The following NREP variants were observed in gnomAD, a reference collection of about 807,000 sequenced individuals.
The protein encoded by NREP is neuronal regeneration related protein.
In NREP, 5 loss-of-function variants were observed where a neutral mutation model predicts 8.6. That is an observed-to-expected ratio of 0.58 (90% CI 0.30 to 1.22). The LOEUF (loss-of-function observed/expected upper bound fraction) is 1.22, where lower values mean the gene tolerates loss of function less well. NREP is among the 50% of genes most tolerant of loss of function. NREP has a pLI of 0.07. For missense variants in NREP, 86 were observed against 82.5 expected (o/e 1.04, Z -0.17); for synonymous variants, 27 against 28.0 (o/e 0.96, Z 0.11).
At chr5:111,762,013 G>A (rs1427666697), upstream of NREP, among the ~76,000 whole-genome samples, 1 of 152,144 alleles carries the variant, frequency 6.6e-6, no homozygotes, top group Non-Finnish European at 1.5e-5. Context: ...AGAAGGGGCA[G>A]AAATGAGGAA....
intron 2 of NREP, among the ~76,000 whole-genome samples, chr5:111,881,905 C>G (rs1422173951): frequency 6.6e-6 from 1 of 152,134 alleles, no homozygotes; most frequent in Admixed American, 6.5e-5. Flanking sequence ...AAACTGGAAA[C>G]TCTAAAAAGC....
At chr5:111,848,322 A>G (rs1391069283) in intron 2 of NREP, among the ~76,000 whole-genome samples, 7 of 152,180 alleles carry the variant, frequency 4.6e-5, no homozygotes, top group Non-Finnish European at 7.4e-5. Flanking sequence ...GTTTTATTTA[A>G]AAAGAAAAAC....
intron 3 of NREP, chr5:111,732,346 T>C (rs772468099): frequency 1.2e-4 from 18 of 152,046 alleles, no homozygotes; most frequent in Non-Finnish European, 2.4e-4. Flanking sequence ...ACTGTACAGA[T>C]TTTCCATATT....
chr5:111,781,795 G>C lies in NREP; in HGVS notation c.136-46288C>G, dbSNP rs946143692. 2.0e-5 allele frequency among the ~76,000 whole-genome samples: 3 copies of C among 152,204 alleles called. No homozygotes were observed. In the South Asian group the frequency reaches 6.2e-4, roughly 32 times the overall value. ...TTCTTTGTACTTCAAGGGTTCTTTAGCCTGAAAGACAAAGGCTATCGGGGC... is the reference window on the plus strand; with the variant it reads ...TTCTTTGTACTTCAAGGGTTCTTTACCCTGAAAGACAAAGGCTATCGGGGC... On this transcript the variant is annotated intron_variant, in intron 2 of 3. Transcript: ENST00000395634.
chr5:111,894,604 G>A (rs893627344), intron 2 of NREP, among the ~76,000 whole-genome samples: 4 of 152,144 alleles, frequency 2.6e-5, no homozygotes, highest in African/African-American at 7.2e-5. Context: ...GTGTTGAAAC[G>A]TGATTCTCCA....
At chr5:111,884,579 A>G (rs1754185969) in intron 2 of NREP, among the ~76,000 whole-genome samples, 3 of 145,348 alleles carry the variant, frequency 2.1e-5, no homozygotes, top group Admixed American at 1.4e-4. Context: ...TCCTCAATAA[A>G]ATACTGGCAA....
intron 2 of NREP, among the ~76,000 whole-genome samples, chr5:111,877,691 T>C (rs1753943804): frequency 6.6e-6 from 1 of 152,200 alleles, no homozygotes; most frequent in African/African-American, 2.4e-5. Context: ...GAATCTCCCA[T>C]TCCTAAGCTT....
At chr5:111,957,333 A>G (rs1756352690) in intron 2 of NREP, among the ~76,000 whole-genome samples, 1 of 152,042 alleles carries the variant, frequency 6.6e-6, no homozygotes, top group Non-Finnish European at 1.5e-5. Flanking sequence ...GTTAAATTTC[A>G]TATACCTACC....
At chr5:111,746,583 C>T (rs1464948686) in intron 2 of NREP, among the ~76,000 whole-genome samples, 4 of 152,000 alleles carry the variant, frequency 2.6e-5, no homozygotes, top group Admixed American at 2.6e-4. Flanking sequence ...TCTCAATTAC[C>T]CAGTCAATAA....
intron 2 of NREP, among the ~76,000 whole-genome samples, chr5:111,951,342 T>C (rs1018405266): frequency 2.0e-5 from 3 of 152,206 alleles, no homozygotes; most frequent in Admixed American, 1.3e-4. Context: ...TATATATTTC[T>C]ATTTATGTAG....
At chr5:111,743,442 T>C (rs1218210640) in intron 2 of NREP, among the ~76,000 whole-genome samples, 1 of 152,158 alleles carries the variant, frequency 6.6e-6, no homozygotes, top group East Asian at 1.9e-4. Flanking sequence ...ACTTAACACA[T>C]CTGAGTTCTA....
chr5:111,910,538 G>C (rs1209912062), intron 2 of NREP, among the ~76,000 whole-genome samples: 1 of 152,012 alleles, frequency 6.6e-6, no homozygotes, highest in Non-Finnish European at 1.5e-5. Context: ...GAAACTTATG[G>C]AAAATTATAT....
intron 2 of NREP, among the ~76,000 whole-genome samples, chr5:111,945,043 T>C (rs1561360748): frequency 6.6e-6 from 1 of 152,112 alleles, no homozygotes. Flanking sequence ...TCTCTACTTC[T>C]AACAGATTAA....
chr5:111,832,424 G>T (rs1752793981), intron 2 of NREP, among the ~76,000 whole-genome samples: 1 of 152,090 alleles, frequency 6.6e-6, no homozygotes, highest in South Asian at 2.1e-4. Context: ...CCAGCTACTT[G>T]TGGGTCTGAT....
chr5:111,964,031 G>T (rs552362022), intron 2 of NREP, among the ~76,000 whole-genome samples: 1 of 152,250 alleles, frequency 6.6e-6, no homozygotes, highest in South Asian at 2.1e-4. Context: ...AATAAAGAAT[G>T]AGAATATTGT....
intron 2 of NREP, among the ~76,000 whole-genome samples, chr5:111,883,842 A>C (rs548826099): frequency 3.4e-3 from 511 of 152,322 alleles, no homozygotes; most frequent in African/African-American, 0.011. Flanking sequence ...AGGGAAATTT[A>C]TAGCACTAAA....
intron 2 of NREP, among the ~76,000 whole-genome samples, chr5:111,832,712 A>C (rs1006674584): frequency 3.9e-5 from 6 of 152,236 alleles, no homozygotes; most frequent in Non-Finnish European, 8.8e-5. Context: ...AAATCTTAGA[A>C]ACAACAGGGG....
chr5:111,889,725 C>T (rs1051513344), intron 2 of NREP, among the ~76,000 whole-genome samples: 4 of 152,146 alleles, frequency 2.6e-5, no homozygotes, highest in Admixed American at 6.5e-5. Context: ...CACCAGCAGG[C>T]TTTGTGTGAG....
intron 2 of NREP, among the ~76,000 whole-genome samples, chr5:111,810,606 G>C (rs939280639): frequency 6.6e-6 from 1 of 152,096 alleles, no homozygotes; most frequent in Non-Finnish European, 1.5e-5. Context: ...ATTTATTTTG[G>C]AGTAATCTCA....
Sources: gnomAD v4.1 joint callset for allele counts (sites outside exome capture counted in the v4.1 genomes callset) on GRCh38, gnomAD v4.1.1 for gene constraint, MANE v1.5 for transcripts, NCBI Gene and HGNC (gene_info 2026-07-23, HGNC 2026-07-21) for gene names.